Variants in ZNF385D observed in about 807,000 individuals in gnomAD.
ZNF385D encodes zinc finger protein 659.
A neutral mutation model predicts 35.8 loss-of-function variants in ZNF385D; 15 were observed. The ratio of observed to expected loss-of-function variants is 0.42; its 90% confidence interval spans 0.28 to 0.64. The LOEUF (loss-of-function observed/expected upper bound fraction) is 0.64. ZNF385D is among the 30% of genes least tolerant of loss of function. The probability of loss-of-function intolerance (pLI) is 0.23; values close to 1 mark genes in which losing one functional copy is unlikely to be tolerated. For missense variants in ZNF385D, 474 were observed against 494.6 expected (o/e 0.96, Z 0.39); for synonymous variants, 212 against 186.8 (o/e 1.13, Z -1.10).
At chr3:22,358,736 T>C (rs186153535) in intron 2 of ZNF385D, among the ~76,000 whole-genome samples, 3 of 151,850 alleles carry the variant, frequency 2.0e-5, no homozygotes, top group Admixed American at 2.0e-4. Flanking sequence ...ATTTTGAATG[T>C]GGAGCAGGCA....
intron 2 of ZNF385D, among the ~76,000 whole-genome samples, chr3:22,261,436 C>T (rs1700626637): frequency 6.6e-6 from 1 of 151,958 alleles, no homozygotes; most frequent in Non-Finnish European, 1.5e-5. Context: ...AAGCTAATTT[C>T]ACAGGAATAA....
At chr3:21,534,080 T>C (rs2125541664) in intron 3 of ZNF385D, among the ~76,000 whole-genome samples, 1 of 152,080 alleles carries the variant, frequency 6.6e-6, no homozygotes, top group South Asian at 2.1e-4. Flanking sequence ...CCAGCTTATA[T>C]GGCAGTATAA....
rs531356973 is a variant in ZNF385D, at chr3:21,614,798, A to G, written c.165+50088T>C. On this transcript the variant is annotated intron_variant, in intron 2 of 7. Coordinates refer to ENST00000281523, the MANE Select transcript of ZNF385D (RefSeq NM_024697.3). ...GAGTCGGGGTTTTACCATGTTGGCC[A>G]GGATGGTCTCAAGCTCTTGACCTCG... is the stretch of plus-strand genomic sequence containing the variant. 6.6e-5 allele frequency among the ~76,000 whole-genome samples: 10 copies of G among 152,342 alleles called. 1 individual carries two copies. The South Asian group carries it at 2.1e-3, about 32-fold the overall frequency.
intron 1 of ZNF385D, among the ~76,000 whole-genome samples, chr3:21,697,394 G>C (rs1164426943): frequency 6.6e-6 from 1 of 152,092 alleles, no homozygotes; most frequent in East Asian, 1.9e-4. Context: ...ACAATAAAAA[G>C]TTTCGTGATT....
chr3:21,996,051 G>A (rs1165379323), intron 3 of ZNF385D, among the ~76,000 whole-genome samples: 1 of 152,124 alleles, frequency 6.6e-6, no homozygotes, highest in Non-Finnish European at 1.5e-5. Context: ...GGGATGTGCA[G>A]GTGCAGGGGC....
At chr3:21,715,226 C>T (rs905224016) in intron 1 of ZNF385D, among the ~76,000 whole-genome samples, 10 of 151,952 alleles carry the variant, frequency 6.6e-5, no homozygotes, top group Admixed American at 5.2e-4. Context: ...AGTATTTTTT[C>T]CTCATTCCCT....
intron 3 of ZNF385D, among the ~76,000 whole-genome samples, chr3:21,996,752 A>T (rs1169398440): frequency 6.6e-6 from 1 of 152,172 alleles, no homozygotes; most frequent in African/African-American, 2.4e-5. Flanking sequence ...AACCCCCCTA[A>T]AACTTTTAAA....
chr3:22,192,850 A>C (rs1183482467), intron 2 of ZNF385D, among the ~76,000 whole-genome samples: 2 of 152,164 alleles, frequency 1.3e-5, no homozygotes, highest in Non-Finnish European at 2.9e-5. Context: ...TGAACCGAGC[A>C]CTGGGTTAAA....
chr3:21,938,001 G>C (rs1183923014), intron 3 of ZNF385D, among the ~76,000 whole-genome samples: 1 of 152,158 alleles, frequency 6.6e-6, no homozygotes, highest in Non-Finnish European at 1.5e-5. Flanking sequence ...ATTTCCAGAA[G>C]TAATATAACA....
chr3:22,094,186 T>A (rs1225259386), intron 3 of ZNF385D, among the ~76,000 whole-genome samples: 1 of 151,534 alleles, frequency 6.6e-6, no homozygotes, highest in Non-Finnish European at 1.5e-5. Flanking sequence ...CCAATTATAT[T>A]ATTCATCTTT....
At chr3:22,045,188 T>C (rs915130868) in intron 3 of ZNF385D, among the ~76,000 whole-genome samples, 1 of 152,034 alleles carries the variant, frequency 6.6e-6, no homozygotes, top group Admixed American at 6.6e-5. Context: ...CCCAAACCAA[T>C]ATCATGGGGC....
intron 3 of ZNF385D, among the ~76,000 whole-genome samples, chr3:21,551,586 G>A (rs2062570542): frequency 6.6e-6 from 1 of 152,124 alleles, no homozygotes; most frequent in South Asian, 2.1e-4. Flanking sequence ...TGGCCCTCAT[G>A]TAGTCTTTCA....
At chr3:22,320,711 T>C (rs1575112977) in intron 2 of ZNF385D, among the ~76,000 whole-genome samples, 1 of 151,490 alleles carries the variant, frequency 6.6e-6, no homozygotes, top group East Asian at 1.9e-4. Context: ...TTAACATGTC[T>C]ACTTTCTTTG....
At chr3:21,933,507 T>C (rs190793456) in intron 3 of ZNF385D, among the ~76,000 whole-genome samples, 120 of 152,342 alleles carry the variant, frequency 7.9e-4, no homozygotes, top group African/African-American at 2.8e-3. Flanking sequence ...TCATAGGCTA[T>C]AATTACCTGA....
At chr3:21,983,432 G>T (rs1356513471) in intron 3 of ZNF385D, among the ~76,000 whole-genome samples, 12 of 106,406 alleles carry the variant, frequency 1.1e-4, no homozygotes, top group African/African-American at 4.1e-4. Flanking sequence ...TTTTGTTCTT[G>T]CGATAGTTTA....
chr3:22,206,602 C>CTT (rs1697172782), intron 2 of ZNF385D, among the ~76,000 whole-genome samples: 1 of 151,650 alleles, frequency 6.6e-6, no homozygotes, highest in African/African-American at 2.4e-5. Context: ...ATGAATAAAA[C>CTT]TAGAAATCAA....
intron 2 of ZNF385D, among the ~76,000 whole-genome samples, chr3:21,643,647 T>A (rs1259380369): frequency 6.6e-6 from 1 of 152,062 alleles, no homozygotes; most frequent in Non-Finnish European, 1.5e-5. Context: ...TATTATTGCC[T>A]TAGAGATCCC....
intron 3 of ZNF385D, among the ~76,000 whole-genome samples, chr3:21,859,811 C>T (rs1326435198): frequency 1.3e-5 from 2 of 151,868 alleles, no homozygotes; most frequent in Non-Finnish European, 2.9e-5. Flanking sequence ...AAGTTGCTTC[C>T]AAACGTGGCA....
chr3:21,851,298 G>A (rs1408967942), intron 3 of ZNF385D, among the ~76,000 whole-genome samples: 10 of 152,028 alleles, frequency 6.6e-5, no homozygotes, highest in Admixed American at 6.6e-4. Flanking sequence ...GAGACATGGA[G>A]CAACCAGAAC....
Sources: allele counts gnomAD v4.1 joint callset (sites outside exome capture counted in the v4.1 genomes callset), GRCh38; gene constraint gnomAD v4.1.1; transcripts MANE v1.5; gene names NCBI Gene and HGNC (gene_info 2026-07-23, HGNC 2026-07-21).